ARHGAP23: variants seen among roughly 807,000 people sequenced by gnomAD.
ARHGAP23 encodes rho GTPase-activating protein 23.
Under a neutral mutation model 136.3 loss-of-function variants are expected in ARHGAP23, and 34 were observed. The observed-to-expected ratio is 0.25, with a 90% CI of 0.19 to 0.33. ARHGAP23 has a LOEUF of 0.33. Ranked by LOEUF, ARHGAP23 falls within the 10% of genes least tolerant of loss-of-function variation. The pLI is 1.00. For missense variants in ARHGAP23, 1,808 were observed against 2,139.0 expected (o/e 0.85, Z 3.05); for synonymous variants, 832 against 920.5 (o/e 0.90, Z 1.74).
Position 38,433,925 on chromosome 17 carries a change from G to A in ARHGAP23, c.63+5377G>A, listed in dbSNP as rs572326826. On this transcript the variant is annotated intron_variant, in intron 1 of 23. Coordinates refer to ENST00000622683, the MANE Select transcript of ARHGAP23 (RefSeq NM_001199417.2). ...GCCCCGGGGTTGCGTCATCATCCTCGTGCCTCAGTCTCCTGGGCTGCTGGG... is the reference window on the plus strand; with the variant it reads ...GCCCCGGGGTTGCGTCATCATCCTCATGCCTCAGTCTCCTGGGCTGCTGGG... 1.8e-3 allele frequency among the ~76,000 whole-genome samples: 272 copies of A among 152,194 alleles called. 2 individuals are homozygous for A. Among genetic ancestry groups the A allele is most frequent in the African/African-American group, 6.2e-3 (258 of 41,526 alleles).
rs2039919511 is a variant in ARHGAP23 at position 38,477,391 on chromosome 17, AG to A, written c.2119-184del. ...ATGGGTAGGGGTGTCTAGGCAGGCA[AG>A]GGGCTGAGAAGGCATTGGTGGGCTG... On this transcript the variant is annotated intron_variant, in intron 11 of 23. Transcript: ENST00000622683. This position sits in a 1 kb window ranked among gnomAD's most constrained non-coding sequence, Gnocchi z 6.6. 1.3e-5 allele frequency among the ~76,000 whole-genome samples: 2 copies of A among 151,672 alleles called. No individual in the cohort carries two copies. The highest frequency in any genetic ancestry group is 4.8e-5 in the African/African-American group (2 of 41,254).
intron 1 of ARHGAP23, among the ~76,000 whole-genome samples, chr17:38,421,429 C>G (rs2038519767): frequency 6.6e-6 from 1 of 152,242 alleles, no homozygotes; most frequent in South Asian, 2.1e-4. Context: ...TAACGCCCGG[C>G]TTTCTGGATG....
At chr17:38,465,134 C>CGCA (rs1396996155) in intron 6 of ARHGAP23, among the ~76,000 whole-genome samples, 1 of 151,388 alleles carries the variant, frequency 6.6e-6, no homozygotes, top group African/African-American at 2.4e-5. Context: ...CTGCCGCCGC[C>CGCA]GTGATGATGC....
At chr17:38,456,716 C>A (rs1218073253) in intron 1 of ARHGAP23, among the ~76,000 whole-genome samples, 2 of 152,212 alleles carry the variant, frequency 1.3e-5, no homozygotes, top group African/African-American at 4.8e-5. Context: ...CTATCTGACA[C>A]CCTCCTGTCA....
At chr17:38,421,791 G>T (rs115579136) in intron 1 of ARHGAP23, among the ~76,000 whole-genome samples, 1 of 152,238 alleles carries the variant, frequency 6.6e-6, no homozygotes, top group Non-Finnish European at 1.5e-5. Context: ...ACAGAGGAGA[G>T]GGGAGCAGCT....
At position 38,510,906 on chromosome 17, in the gene ARHGAP23, C is replaced by A. The variant is rs757588351; in HGVS notation, c.4410C>A (p.Asp1470Glu). 2 of 1,490,940 alleles carry A rather than the reference C, an allele frequency of 1.3e-6. No homozygotes were observed. The highest frequency in any genetic ancestry group is 1.8e-6 in the Non-Finnish European group (2 of 1,129,294). 92.4% of individuals were successfully genotyped at this position (1,490,940 alleles called of 1,614,324 possible). The change falls in exon 24 of 24, where the codon GAC becomes GAA. Residue 1470 changes from aspartate to glutamate, a missense_variant. Physicochemically the swap from Asp to Glu is conservative, Grantham distance 45. Around this residue, in one of 7 missense-constraint regions of ARHGAP23, gnomAD observed 506 missense variants for 455.8 expected, o/e 1.11. Transcript: ENST00000622683. This position sits in a 1 kb window ranked among gnomAD's most constrained non-coding sequence, Gnocchi z 4.6. ...SAASQPPAPG[D>E]TGSLQSQPPR... Reference sequence around the variant, plus strand: ...CCTCGCAGCCGCCCGCGCCCGGGGACACGGGGTCCCTGCAGAGCCAGCCCC... The same window carrying A: ...CCTCGCAGCCGCCCGCGCCCGGGGAAACGGGGTCCCTGCAGAGCCAGCCCC...
chr17:38,495,333 G>A (rs1268135114), intron 20 of ARHGAP23, among the ~76,000 whole-genome samples: 1 of 151,550 alleles, frequency 6.6e-6, no homozygotes, highest in African/African-American at 2.4e-5. Flanking sequence ...CTGGGCTCAA[G>A]TGATCCTCCC....
At chr17:38,458,367 C>T (rs2039381194) in intron 2 of ARHGAP23, 104 bp downstream of exon 2, 5 of 1,390,272 alleles carry the variant, frequency 3.6e-6, no homozygotes, top group Middle Eastern at 3.7e-4. Context: ...CTCAGAGAGG[C>T]AGTCCTTCCT....
intron 14 of ARHGAP23, among the ~76,000 whole-genome samples, chr17:38,480,862 G>A (rs1460013259): frequency 2.0e-5 from 3 of 151,748 alleles, no homozygotes; most frequent in East Asian, 3.9e-4. Flanking sequence ...AGACATGGTG[G>A]CTGACACCTA....
Position 38,466,575 on chromosome 17 carries a change from C to T in ARHGAP23, c.892C>T (p.Arg298Cys), listed in dbSNP as rs770669413. 2.1e-5 allele frequency: 31 copies of T among 1,494,410 alleles called. No homozygotes were observed. The highest frequency in any genetic ancestry group is 1.6e-4 in the South Asian group (12 of 76,556). 92.6% of individuals were successfully genotyped at this position (1,494,410 alleles called of 1,614,324 possible). ...ACACTGGCTGTCAAACCAGGTACCC[C>T]GCCGGGCGGGGGAGAGACGGTGCCC... is the stretch of plus-strand genomic sequence containing the variant. The part of the protein sequence containing the change: ...LSHWLSNQVP[R>C]RAGERRCPAM... Residue 298 changes from arginine (R) to cysteine (C), a missense_variant, in exon 7 of 24, where the codon CGC (arginine) becomes TGC (cysteine). Transcript: ENST00000622683.
chr17:38,433,759 T>G (rs1398320432), intron 1 of ARHGAP23, among the ~76,000 whole-genome samples: 1 of 152,134 alleles, frequency 6.6e-6, no homozygotes, highest in Non-Finnish European at 1.5e-5. Context: ...GGATAGGTAG[T>G]CCTGAGAGGC....
At chr17:38,479,964 G>A (rs961928232) in intron 14 of ARHGAP23, 81 bp downstream of exon 14, 5 of 1,514,656 alleles carry the variant, frequency 3.3e-6, no homozygotes, top group Admixed American at 2.0e-5. Flanking sequence ...TGTGTGTTGG[G>A]CTGTGTCTGC....
intron 1 of ARHGAP23, among the ~76,000 whole-genome samples, chr17:38,444,406 T>A (rs1219651396): frequency 1.3e-5 from 2 of 152,090 alleles, no homozygotes; most frequent in East Asian, 3.9e-4. Context: ...CACCCTTGTG[T>A]GTATGTTACA....
At chr17:38,451,355 A>G (rs985043110) in intron 1 of ARHGAP23, 1 of 152,196 alleles carries the variant, frequency 6.6e-6, no homozygotes, top group African/African-American at 2.4e-5. Context: ...CAGGAAATGG[A>G]CATTGTATAT....
intron 1 of ARHGAP23, 130 bp downstream of exon 1, chr17:38,428,678 C>A: frequency 3.6e-6 from 2 of 561,920 alleles, no homozygotes; most frequent in Non-Finnish European, 5.3e-6. Context: ...GCACCGCGGG[C>A]ACCGCTGCGG....
At chr17:38,457,630 A>G (rs1215831715) in intron 1 of ARHGAP23, 4 of 188,320 alleles carry the variant, frequency 2.1e-5, no homozygotes, top group South Asian at 1.1e-4. Context: ...TTCCGTCTAC[A>G]TGAGTGTATG....
In ARHGAP23 at chr17:38,498,402, T is replaced by G; in HGVS notation, c.3319-12T>G. On this transcript the variant is annotated splice_polypyrimidine_tract_variant and intron_variant, in intron 21 of 23. Transcript: ENST00000622683. ...TGAGGGCATGCCAGCTGACCCCTCC[T>G]CCTGTTCGCAGACCCCTGTGGGCGA... 1.3e-6 allele frequency: 2 copies of G among 1,542,554 alleles called. No individual in the cohort carries two copies. The highest frequency in any genetic ancestry group is 1.8e-6 in the Non-Finnish European group (2 of 1,142,650).
chr17:38,455,655 A>G (rs529695953), intron 1 of ARHGAP23, among the ~76,000 whole-genome samples: 1 of 152,280 alleles, frequency 6.6e-6, no homozygotes, highest in East Asian at 1.9e-4. Context: ...GGCCCTGCAA[A>G]CAGCCTCAGC....
At chr17:38,443,667 G>A (rs902292184) in intron 1 of ARHGAP23, among the ~76,000 whole-genome samples, 22 of 151,898 alleles carry the variant, frequency 1.4e-4, no homozygotes, top group African/African-American at 5.3e-4. Context: ...AGGGGTAACC[G>A]GGAGGGATGG....
Sources: allele counts gnomAD v4.1 joint callset (sites outside exome capture counted in the v4.1 genomes callset), GRCh38; gene constraint gnomAD v4.1.1; regional missense constraint gnomAD v4.1.1; non-coding constraint Gnocchi (gnomAD v3.1); transcripts MANE v1.5; gene names NCBI Gene and HGNC (gene_info 2026-07-23, HGNC 2026-07-21).